Variants in SPIDR observed in about 807,000 individuals in gnomAD.
The protein encoded by SPIDR is scaffold protein involved in DNA repair.
Under a neutral mutation model 104.6 loss-of-function variants are expected in SPIDR, and 93 were observed. That is an observed-to-expected ratio of 0.89 (90% CI 0.75 to 1.06). SPIDR has a LOEUF of 1.06. Ranked by LOEUF, SPIDR falls within the 50% of genes least tolerant of loss-of-function variation. The pLI is 0.00. For missense variants in SPIDR, 1,154 were observed against 1,111.2 expected (o/e 1.04, Z -0.55); for synonymous variants, 431 against 416.9 (o/e 1.03, Z -0.41).
chr8:47,436,010 C>T (rs1454198802), intron 7 of SPIDR, among the ~76,000 whole-genome samples: 1 of 152,174 alleles, frequency 6.6e-6, no homozygotes, highest in East Asian at 1.9e-4. Context: ...TAATATGTTC[C>T]TTACCTATTT....
chr8:47,663,158 A>G (rs1414387998), intron 10 of SPIDR, among the ~76,000 whole-genome samples: 1 of 152,204 alleles, frequency 6.6e-6, no homozygotes, highest in Non-Finnish European at 1.5e-5. Flanking sequence ...GTGTTCTCTC[A>G]GCCTTTGCAT....
chr8:47,552,826 T>G (rs947477498), intron 8 of SPIDR, among the ~76,000 whole-genome samples: 2 of 152,198 alleles, frequency 1.3e-5, no homozygotes, highest in African/African-American at 4.8e-5. Context: ...GTTATTTTGC[T>G]CATTAGTTGA....
chr8:47,601,739 T>G (rs1265822774), intron 10 of SPIDR, among the ~76,000 whole-genome samples: 1 of 152,172 alleles, frequency 6.6e-6, no homozygotes, highest in Non-Finnish European at 1.5e-5. Flanking sequence ...GTGTTTAGAT[T>G]AAGGCTGACC....
rs558134891 is a variant in SPIDR at position 47,341,441 on chromosome 8, G to A, written c.525+47411G>A. ...CCTTTAGAGATAAATAAACATGCAT[G>A]GTTTTTGTTTGTTTAAAAAAAAAAT... On this transcript the variant is annotated intron_variant, in intron 5 of 19. Transcript: ENST00000297423. 1.3e-3 allele frequency among the ~76,000 whole-genome samples: 190 copies of A among 151,700 alleles called. 1 individual carries two copies. The highest frequency in any genetic ancestry group is 2.2e-3 in the Non-Finnish European group (152 of 67,944).
chr8:47,576,333 T>G (rs2059125366), intron 8 of SPIDR, among the ~76,000 whole-genome samples: 1 of 152,158 alleles, frequency 6.6e-6, no homozygotes, highest in Non-Finnish European at 1.5e-5. Context: ...GTATTTTTAG[T>G]AGAGACGGGG....
intron 8 of SPIDR, among the ~76,000 whole-genome samples, chr8:47,594,715 C>G (rs928965475): frequency 6.6e-6 from 1 of 151,976 alleles, no homozygotes; most frequent in Non-Finnish European, 1.5e-5. Context: ...AACCCAGGGC[C>G]GGGCACAGTG....
chr8:47,298,351 T>A (rs1429491588), intron 5 of SPIDR, among the ~76,000 whole-genome samples: 1 of 152,222 alleles, frequency 6.6e-6, no homozygotes, highest in Non-Finnish European at 1.5e-5. Context: ...ATTCTGGATA[T>A]TAGCCCTTTG....
At chr8:47,445,075 T>G (rs1313810193) in intron 8 of SPIDR, among the ~76,000 whole-genome samples, 1 of 152,098 alleles carries the variant, frequency 6.6e-6, no homozygotes, top group Admixed American at 6.6e-5. Context: ...CATAGTAGAG[T>G]CTCTGCAGCT....
Position 47,331,447 on chromosome 8 carries a change from A to G in SPIDR, c.525+37417A>G, listed in dbSNP as rs72644595. 3.9e-3 allele frequency among the ~76,000 whole-genome samples: 601 copies of G among 152,282 alleles called. 4 individuals carry two copies. Among genetic ancestry groups the G allele is most frequent in the Admixed American group, 6.9e-3 (105 of 15,296 alleles). On this transcript the variant is annotated intron_variant, in intron 5 of 19. Transcript: ENST00000297423. The stretch of plus-strand genomic sequence containing the variant: ...TTTACTGTACTGGATACTGTAGACA[A>G]TTGGAACACAAAGGTAGTTATTTAT...
chr8:47,491,320 C>G (rs1479181910), intron 8 of SPIDR, among the ~76,000 whole-genome samples: 1 of 151,870 alleles, frequency 6.6e-6, no homozygotes, highest in East Asian at 1.9e-4. Context: ...TGGAATTTTT[C>G]TTAAAGGCGG....
At chr8:47,632,987 A>G (rs1277140845) in intron 10 of SPIDR, among the ~76,000 whole-genome samples, 4 of 152,210 alleles carry the variant, frequency 2.6e-5, no homozygotes, top group Admixed American at 6.5e-5. Flanking sequence ...GCATAAGGCA[A>G]TTTGCCTCTA....
chr8:47,563,110 C>G (rs2057292407), intron 8 of SPIDR, among the ~76,000 whole-genome samples: 1 of 145,160 alleles, frequency 6.9e-6, no homozygotes, highest in East Asian at 2.0e-4. Flanking sequence ...ATGTTTTGTT[C>G]ATTAAATTCT....
At chr8:47,719,616 G>T (rs1187158307) in intron 16 of SPIDR, among the ~76,000 whole-genome samples, 1 of 152,182 alleles carries the variant, frequency 6.6e-6, no homozygotes, top group Non-Finnish European at 1.5e-5. Flanking sequence ...AGCTACAGCT[G>T]GCCCAGGCAC....
intron 10 of SPIDR, among the ~76,000 whole-genome samples, chr8:47,601,109 A>T (rs1157376103): frequency 6.6e-6 from 1 of 152,236 alleles, no homozygotes; most frequent in Non-Finnish European, 1.5e-5. Flanking sequence ...ATGTGGTGAC[A>T]TATCTAATGA....
chr8:47,307,979 T>C (rs1254824584), intron 5 of SPIDR, among the ~76,000 whole-genome samples: 3 of 152,216 alleles, frequency 2.0e-5, no homozygotes, highest in African/African-American at 7.2e-5. Context: ...ATCTTGTTAT[T>C]TTTTTGTTGA....
At chr8:47,654,265 C>A in intron 10 of SPIDR, 1 of 952,190 alleles carries the variant, frequency 1.1e-6, no homozygotes, top group Non-Finnish European at 1.5e-6. Context: ...AAGCACCTGC[C>A]TAATCCATGT....
At chr8:47,278,676 C>T (rs995055382) in intron 1 of SPIDR, among the ~76,000 whole-genome samples, 2 of 151,936 alleles carry the variant, frequency 1.3e-5, no homozygotes, top group African/African-American at 2.4e-5. Flanking sequence ...GGCAGGCTCT[C>T]GGCTCATTGC....
chr8:47,394,140 C>T (rs180911636), intron 5 of SPIDR, among the ~76,000 whole-genome samples: 1 of 152,194 alleles, frequency 6.6e-6, no homozygotes, highest in East Asian at 1.9e-4. Context: ...CTCCTGGCCT[C>T]AAGTGATCTG....
chr8:47,603,217 C>A (rs1415043850), intron 10 of SPIDR, among the ~76,000 whole-genome samples: 1 of 151,090 alleles, frequency 6.6e-6, no homozygotes, highest in Non-Finnish European at 1.5e-5. Context: ...AAAACTGAGG[C>A]AAAGAGAGAA....
Sources: allele counts gnomAD v4.1 joint callset (sites outside exome capture counted in the v4.1 genomes callset), GRCh38; gene constraint gnomAD v4.1.1; transcripts MANE v1.5; gene names NCBI Gene and HGNC (gene_info 2026-07-23, HGNC 2026-07-21).